CSMD3: variants seen among roughly 807,000 people sequenced by gnomAD.
The protein encoded by CSMD3 is CUB and Sushi multiple domains 3.
Under a neutral mutation model 435.2 loss-of-function variants are expected in CSMD3, and 177 were observed. The observed-to-expected ratio is 0.41, with a 90% CI of 0.36 to 0.46. The LOEUF (loss-of-function observed/expected upper bound fraction) is 0.46. Ranked by LOEUF, CSMD3 falls within the 20% of genes least tolerant of loss-of-function variation. CSMD3 has a pLI of 0.34. For synonymous variants in CSMD3, 1,656 were observed against 1,520.5 expected, an observed-to-expected ratio of 1.09 and a Z score of -2.07; for missense variants, 4,265 against 4,504.6, an observed-to-expected ratio of 0.95 and a Z score of 1.52.
intron 40 of CSMD3, 42 bp downstream of exon 40, chr8:112,351,129 TACAC>T (rs1177715303): frequency 3.5e-6 from 4 of 1,157,066 alleles, no homozygotes; most frequent in Admixed American, 1.7e-5. Flanking sequence ...TCTTTTTTTT[TACAC>T]TTTAAGTTCT....
intron 50 of CSMD3, among the ~76,000 whole-genome samples, chr8:112,307,331 G>A (rs1364686448): frequency 6.6e-6 from 1 of 151,978 alleles, no homozygotes; most frequent in Non-Finnish European, 1.5e-5. Context: ...TCCCAGGCTG[G>A]AGTCAGTGGC....
intron 6 of CSMD3, among the ~76,000 whole-genome samples, chr8:112,995,213 T>C (rs546758431): frequency 6.6e-6 from 1 of 151,586 alleles, no homozygotes; most frequent in South Asian, 2.1e-4. Flanking sequence ...GAAAAAAATA[T>C]GAAGATTGCA....
Position 113,069,779 on chromosome 8 carries a change from G to C in CSMD3, c.917+28977C>G, listed in dbSNP as rs73334021. Among the ~76,000 whole-genome samples the C allele has an allele frequency of 3.6e-3, 542 of 152,228 alleles. 3 individuals are homozygous for C. The highest frequency in any genetic ancestry group is 0.012 in the African/African-American group (506 of 41,546). ...TCAAGACAACAGAGTACGGGTAGAA[G>C]ACATGCCACTTTCAAGTTAAGGCAG... On this transcript the variant is annotated intron_variant, in intron 5 of 70. Transcript: ENST00000297405.
intron 5 of CSMD3, among the ~76,000 whole-genome samples, chr8:113,037,791 C>CA (rs914949647): frequency 2.1e-4 from 31 of 148,224 alleles, no homozygotes; most frequent in South Asian, 6.4e-4. Flanking sequence ...AAAGGCAAAA[C>CA]AAAAAAAAAC....
chr8:112,427,131 C>T (rs572308180), intron 32 of CSMD3, among the ~76,000 whole-genome samples: 2 of 152,230 alleles, frequency 1.3e-5, no homozygotes, highest in South Asian at 2.1e-4. Context: ...TTGATGGCTT[C>T]CTGTCTTGAA....
At chr8:112,251,815 A>T (rs1272171564) in intron 63 of CSMD3, among the ~76,000 whole-genome samples, 1 of 151,822 alleles carries the variant, frequency 6.6e-6, no homozygotes, top group Non-Finnish European at 1.5e-5. Context: ...AGCAGTGTGT[A>T]TGTGTGCTTG....
At chr8:112,297,988 T>G (rs1354642454) in intron 53 of CSMD3, among the ~76,000 whole-genome samples, 10 of 145,388 alleles carry the variant, frequency 6.9e-5, no homozygotes, top group Admixed American at 5.7e-4. Flanking sequence ...ACTTTTTACT[T>G]ACAATAGTAA....
intron 22 of CSMD3, among the ~76,000 whole-genome samples, chr8:112,605,632 G>A (rs1272905093): frequency 7.1e-6 from 1 of 140,108 alleles, no homozygotes; most frequent in Admixed American, 7.3e-5. Flanking sequence ...GGGTGGGAGG[G>A]CAGAGGGTGG....
At chr8:112,435,322 ATC>A (rs2130442719) in intron 32 of CSMD3, among the ~76,000 whole-genome samples, 1 of 152,210 alleles carries the variant, frequency 6.6e-6, no homozygotes, top group East Asian at 1.9e-4. Flanking sequence ...TATAACCATT[ATC>A]TCTGAACAAC....
At chr8:112,297,111 A>ATT (rs546948195) in intron 53 of CSMD3, among the ~76,000 whole-genome samples, 24 of 146,746 alleles carry the variant, frequency 1.6e-4, no homozygotes, top group African/African-American at 4.2e-4. Flanking sequence ...CTTCCCACGG[A>ATT]TTTTTTTTTT....
intron 37 of CSMD3, among the ~76,000 whole-genome samples, chr8:112,382,151 G>A (rs1466071070): frequency 1.3e-5 from 2 of 151,876 alleles, no homozygotes; most frequent in African/African-American, 4.8e-5. Flanking sequence ...TGGGGTTGTG[G>A]TATGTGACTG....
At chr8:112,498,187 A>G (rs1821569241) in intron 30 of CSMD3, among the ~76,000 whole-genome samples, 1 of 152,152 alleles carries the variant, frequency 6.6e-6, no homozygotes, top group African/African-American at 2.4e-5. Flanking sequence ...AAATGGGGAT[A>G]GCAATACTTA....
At chr8:112,565,602 G>A (rs1389914794) in intron 24 of CSMD3, among the ~76,000 whole-genome samples, 1 of 152,078 alleles carries the variant, frequency 6.6e-6, no homozygotes, top group African/African-American at 2.4e-5. Flanking sequence ...TTTCTCTTGG[G>A]ATAATGAACA....
chr8:112,236,255 G>T (rs962788632), intron 67 of CSMD3, among the ~76,000 whole-genome samples: 1 of 151,570 alleles, frequency 6.6e-6, no homozygotes, highest in Non-Finnish European at 1.5e-5. Flanking sequence ...ATACAGACAA[G>T]AATTTTACAG....
intron 32 of CSMD3, among the ~76,000 whole-genome samples, chr8:112,411,055 A>AT (rs1444731302): frequency 6.6e-6 from 1 of 150,944 alleles, no homozygotes; most frequent in Admixed American, 6.6e-5. Context: ...ATTTACAAAC[A>AT]TTTAAAACAA....
At chr8:113,221,679 CT>C (rs2092968440) in intron 3 of CSMD3, among the ~76,000 whole-genome samples, 1 of 151,164 alleles carries the variant, frequency 6.6e-6, no homozygotes, top group African/African-American at 2.4e-5. Flanking sequence ...ACCTGAGGGC[CT>C]TTACACCTGC....
At chr8:112,371,180 G>A (rs118169579) in intron 38 of CSMD3, among the ~76,000 whole-genome samples, 3 of 152,280 alleles carry the variant, frequency 2.0e-5, no homozygotes, top group Non-Finnish European at 2.9e-5. Context: ...TGGGGCACAC[G>A]CTGCTGGGCA....
chr8:112,888,687 C>T (rs141382824), intron 10 of CSMD3, among the ~76,000 whole-genome samples: 1 of 151,712 alleles, frequency 6.6e-6, no homozygotes, highest in African/African-American at 2.4e-5. Flanking sequence ...GTTCATATCG[C>T]TTTGTAGGTT....
intron 27 of CSMD3, among the ~76,000 whole-genome samples, chr8:112,541,001 T>C (rs1366951536): frequency 6.6e-6 from 1 of 152,060 alleles, no homozygotes; most frequent in Non-Finnish European, 1.5e-5. Flanking sequence ...TTACATATTG[T>C]ATGCGTGTAT....
Sources: allele counts gnomAD v4.1 joint callset (sites outside exome capture counted in the v4.1 genomes callset), GRCh38; gene constraint gnomAD v4.1.1; transcripts MANE v1.5; gene names NCBI Gene and HGNC (gene_info 2026-07-23, HGNC 2026-07-21).